The following DISC1 variants were observed in gnomAD, a reference collection of about 807,000 sequenced individuals.
DISC1 encodes DISC1 scaffold protein.
Under a neutral mutation model 84.5 loss-of-function variants are expected in DISC1, and 57 were observed. The ratio of observed to expected loss-of-function variants is 0.67; its 90% CI spans 0.55 to 0.84. The LOEUF is 0.84. Ranked by LOEUF, DISC1 falls within the 40% of genes least tolerant of loss-of-function variation. The pLI, the probability that DISC1 is intolerant of heterozygous loss-of-function variation, is 0.00. For synonymous variants in DISC1, 411 were observed against 415.2 expected (o/e 0.99, Z 0.12); for missense variants, 1,000 against 1,057.8 (o/e 0.95, Z 0.76).
At chr1:231,777,929 A>G (rs189434478) in intron 6 of DISC1, among the ~76,000 whole-genome samples, 1 of 152,268 alleles carries the variant, frequency 6.6e-6, no homozygotes, top group East Asian at 1.9e-4. Context: ...TCTTTGGCGA[A>G]TTTTTAATGC....
chr1:231,986,343 G>A (rs1664438671), intron 10 of DISC1, among the ~76,000 whole-genome samples: 1 of 152,130 alleles, frequency 6.6e-6, no homozygotes, highest in Non-Finnish European at 1.5e-5. Flanking sequence ...GGCAGTGTAG[G>A]GGAACTGATT....
intron 9 of DISC1, among the ~76,000 whole-genome samples, chr1:231,869,544 G>A (rs1057146068): frequency 3.9e-5 from 6 of 151,914 alleles, no homozygotes; most frequent in African/African-American, 1.4e-4. Context: ...ACTGGCATCT[G>A]CATCTGGTGA....
chr1:231,669,539 C>G (rs2062365675), intron 1 of DISC1, among the ~76,000 whole-genome samples: 1 of 151,710 alleles, frequency 6.6e-6, no homozygotes, highest in South Asian at 2.1e-4. Flanking sequence ...AAAAAACAAA[C>G]AACCCCATTA....
rs151047528 is a variant in DISC1, at chr1:231,985,656, G to T, written c.2043-23129G>T. Among the ~76,000 whole-genome samples the T allele has an allele frequency of 1.3e-4, 20 of 152,264 alleles. No homozygotes were observed. In the East Asian group the frequency reaches 3.3e-3, roughly 25 times the overall value. ...GTAGCACAGGGAGATGTTCAGTTTT[G>T]CACATAATAATGAATATCTGTTATG... On this transcript the variant is annotated intron_variant, in intron 10 of 12. Coordinates refer to ENST00000439617, the MANE Select transcript of DISC1 (RefSeq NM_018662.3).
intron 9 of DISC1, among the ~76,000 whole-genome samples, chr1:231,889,635 G>A (rs922800597): frequency 1.9e-4 from 29 of 152,168 alleles, no homozygotes; most frequent in African/African-American, 6.8e-4. Context: ...GGGCCTGGCT[G>A]CACTCACAGT....
chr1:231,839,409 G>C (rs996965134), intron 9 of DISC1, among the ~76,000 whole-genome samples: 1 of 152,154 alleles, frequency 6.6e-6, no homozygotes, highest in Non-Finnish European at 1.5e-5. Flanking sequence ...GTATCATAAG[G>C]ACTCAATAAA....
intron 9 of DISC1, chr1:231,945,129 A>G (rs1188434383): frequency 6.6e-6 from 1 of 152,060 alleles, no homozygotes; most frequent in East Asian, 1.9e-4. Context: ...CCCCATCACA[A>G]ACTTAATCCA....
chr1:231,839,712 G>A (rs2082892838), intron 9 of DISC1, among the ~76,000 whole-genome samples: 1 of 152,212 alleles, frequency 6.6e-6, no homozygotes, highest in African/African-American at 2.4e-5. Flanking sequence ...TTGGCTTATA[G>A]TTCTGCAGGC....
At chr1:231,925,216 C>A (rs1189417813) in intron 9 of DISC1, among the ~76,000 whole-genome samples, 1 of 152,170 alleles carries the variant, frequency 6.6e-6, no homozygotes, top group Non-Finnish European at 1.5e-5. Context: ...GATTTCAAGG[C>A]TTGCTCACTG....
chr1:231,737,411 A>G (rs1399712650), intron 3 of DISC1, among the ~76,000 whole-genome samples: 2 of 152,258 alleles, frequency 1.3e-5, no homozygotes, highest in Non-Finnish European at 2.9e-5. Context: ...AGCACCTGCT[A>G]TGTGCAGTAC....
At chr1:231,721,212 C>A in intron 3 of DISC1, 1 of 840,086 alleles carries the variant, frequency 1.2e-6, no homozygotes, top group Non-Finnish European at 1.6e-6. Context: ...GGAGCTATGT[C>A]AACATATTAA....
At chr1:231,922,480 T>TCA (rs2090069465) in intron 9 of DISC1, among the ~76,000 whole-genome samples, 1 of 152,150 alleles carries the variant, frequency 6.6e-6, no homozygotes, top group African/African-American at 2.4e-5. Context: ...TAAGGTACAT[T>TCA]CATCCAAGGG....
intron 3 of DISC1, among the ~76,000 whole-genome samples, chr1:231,742,592 A>T (rs931237376): frequency 1.3e-5 from 2 of 151,982 alleles, no homozygotes; most frequent in South Asian, 2.1e-4. Context: ...GGACAACATG[A>T]CAAAACCCCA....
chr1:231,892,893 G>A (rs2087355934), intron 9 of DISC1, among the ~76,000 whole-genome samples: 4 of 152,248 alleles, frequency 2.6e-5, no homozygotes, highest in Admixed American at 2.6e-4. Flanking sequence ...CAGGTATAGT[G>A]GCTCATACCT....
At chr1:231,834,801 G>A (rs1441908962) in intron 9 of DISC1, among the ~76,000 whole-genome samples, 1 of 152,132 alleles carries the variant, frequency 6.6e-6, no homozygotes, top group Non-Finnish European at 1.5e-5. Flanking sequence ...TGCCACTAAC[G>A]GTGAAGGACC....
chr1:231,924,500 G>C (rs1214670091), intron 9 of DISC1, among the ~76,000 whole-genome samples: 1 of 152,114 alleles, frequency 6.6e-6, no homozygotes, highest in African/African-American at 2.4e-5. Context: ...ATCTGTGTGG[G>C]TGAAATGAGG....
At chr1:231,856,015 C>T (rs184553810) in intron 9 of DISC1, among the ~76,000 whole-genome samples, 1 of 152,164 alleles carries the variant, frequency 6.6e-6, no homozygotes, top group Non-Finnish European at 1.5e-5. Flanking sequence ...ACACTTCTAC[C>T]TTTGTTTTTG....
intron 3 of DISC1, among the ~76,000 whole-genome samples, chr1:231,704,899 A>G (rs1418219762): frequency 6.6e-6 from 1 of 152,186 alleles, no homozygotes; most frequent in African/African-American, 2.4e-5. Flanking sequence ...ATAATGGCAT[A>G]TAAGAAATCA....
At chr1:231,734,984 C>A (rs569396941) in intron 3 of DISC1, among the ~76,000 whole-genome samples, 18 of 152,294 alleles carry the variant, frequency 1.2e-4, no homozygotes, top group Admixed American at 7.8e-4. Context: ...AACCAAATCT[C>A]CACTTTTATG....
Sources: allele counts gnomAD v4.1 joint callset (sites outside exome capture counted in the v4.1 genomes callset), GRCh38; gene constraint gnomAD v4.1.1; transcripts MANE v1.5; gene names NCBI Gene and HGNC (gene_info 2026-07-23, HGNC 2026-07-21).